Variants in IKBKB-DT observed in about 807,000 individuals in gnomAD.
IKBKB-DT encodes the protein IKBKB antisense RNA.
chr8:42,262,968 T>C (rs1177926754), intron 3 of IKBKB-DT, among the ~76,000 whole-genome samples: 1 of 151,476 alleles, frequency 6.6e-6, no homozygotes, highest in Non-Finnish European at 1.5e-5. Flanking sequence ...CTCAAACTCC[T>C]GGGCTCAAGT....
chr8:42,258,580 T>G (rs113095394), intron 3 of IKBKB-DT, among the ~76,000 whole-genome samples: 1 of 151,998 alleles, frequency 6.6e-6, no homozygotes, highest in Non-Finnish European at 1.5e-5. Flanking sequence ...GCCATTCTCC[T>G]GCCTCAGCCT....
In IKBKB-DT at chr8:42,269,661, G is replaced by A. The variant is rs1807492102; in HGVS notation, n.603+990C>T. Among the ~76,000 whole-genome samples the A allele has an allele frequency of 3.3e-5, 5 of 151,974 alleles. No homozygotes were observed. The South Asian group carries it at 1.0e-3, about 32-fold the overall frequency. On this transcript the variant is annotated intron_variant and non_coding_transcript_variant, in intron 1 of 3. Transcript: ENST00000518213. ...GAGAGAGAGAAAGAAAAAGAGAAAG[G>A]AGAGGGAAGAGGGGAGAGGGGAGAA...
intron 1 of IKBKB-DT, among the ~76,000 whole-genome samples, chr8:42,266,714 G>A (rs111822932): frequency 0.032 from 4,802 of 152,188 alleles, 104 homozygotes; most frequent in Non-Finnish European, 0.042. Context: ...AACAGGTTTC[G>A]GTAAAGAAGC....
chr8:42,246,491 G>A (rs986921511), intron 3 of IKBKB-DT, among the ~76,000 whole-genome samples: 6 of 152,178 alleles, frequency 3.9e-5, no homozygotes, highest in African/African-American at 1.2e-4. Flanking sequence ...ATATCAAAAT[G>A]GGAAAGATAT....
chr8:42,239,780 G>C (rs1436854056), intron 3 of IKBKB-DT, among the ~76,000 whole-genome samples: 1 of 150,618 alleles, frequency 6.6e-6, no homozygotes, highest in Non-Finnish European at 1.5e-5. Context: ...CAAATAGCTG[G>C]GAGTACAGGC....
At position 42,234,878 on chromosome 8, in the gene IKBKB-DT, C is replaced by T. The variant is rs186025924; in HGVS notation, n.1530-1019G>A. Among the ~76,000 whole-genome samples, 3 of 152,342 alleles carry T rather than the reference C, an allele frequency of 2.0e-5. No individual in the cohort carries two copies. In the East Asian group the frequency reaches 5.8e-4, roughly 29 times the overall value. ...CTCCTGACCTCAGGTGATCTGCCCG[C>T]CTTGGCCTCCCAAAGTGCTGGGATT... On this transcript the variant is annotated intron_variant and non_coding_transcript_variant, in intron 3 of 3. Transcript: ENST00000518213.
At chr8:42,239,254 G>C (rs1395091382) in intron 3 of IKBKB-DT, among the ~76,000 whole-genome samples, 1 of 151,908 alleles carries the variant, frequency 6.6e-6, no homozygotes, top group Non-Finnish European at 1.5e-5. Context: ...ACAGCTACGG[G>C]GCCTCTCCTG....
At chr8:42,260,926 C>T (rs996296658) in intron 3 of IKBKB-DT, among the ~76,000 whole-genome samples, 2 of 152,264 alleles carry the variant, frequency 1.3e-5, no homozygotes, top group East Asian at 1.9e-4. Flanking sequence ...AGATACAGCC[C>T]TTTCCATAGA....
intron 3 of IKBKB-DT, among the ~76,000 whole-genome samples, chr8:42,247,397 T>C (rs1474471437): frequency 6.6e-6 from 1 of 152,216 alleles, no homozygotes; most frequent in Non-Finnish European, 1.5e-5. Context: ...CTGTACCTCA[T>C]TGTATCTAGG....
chr8:42,249,191 G>A (rs554874835), intron 3 of IKBKB-DT: 1 of 151,870 alleles, frequency 6.6e-6, no homozygotes, highest in African/African-American at 2.4e-5. Context: ...CAATACAGGG[G>A]ACCCCATCTC....
chr8:42,264,865 ATT>A (rs199943358), intron 2 of IKBKB-DT, among the ~76,000 whole-genome samples: 5 of 135,446 alleles, frequency 3.7e-5, no homozygotes, highest in Admixed American at 7.5e-5. Flanking sequence ...GGCCTTAAAC[ATT>A]TTTTTTTTTT....
intron 3 of IKBKB-DT, among the ~76,000 whole-genome samples, chr8:42,249,608 C>G (rs1807105957): frequency 6.6e-6 from 1 of 151,898 alleles, no homozygotes; most frequent in African/African-American, 2.4e-5. Flanking sequence ...TCAAAAAGGC[C>G]CTGGAGAGAA....
rs541667980 is a variant in IKBKB-DT, at chr8:42,235,566, C to T, written n.1530-1707G>A. ...ATTTCTAACAACCAGATGGCCCCACCCAGGAACTGACACAGCATAAGAGGA... is the reference window on the plus strand; with the variant it reads ...ATTTCTAACAACCAGATGGCCCCACTCAGGAACTGACACAGCATAAGAGGA... On this transcript the variant is annotated intron_variant and non_coding_transcript_variant, in intron 3 of 3. Transcript: ENST00000518213. 9.2e-5 allele frequency among the ~76,000 whole-genome samples: 14 copies of T among 152,154 alleles called. No individual in the cohort carries two copies. The South Asian group carries it at 2.9e-3, about 32-fold the overall frequency.
chr8:42,268,830 G>A (rs1807418010), intron 1 of IKBKB-DT, among the ~76,000 whole-genome samples: 1 of 152,124 alleles, frequency 6.6e-6, no homozygotes, highest in Non-Finnish European at 1.5e-5. Flanking sequence ...GCCTCCCAAA[G>A]TGCTGGGATT....
intron 1 of IKBKB-DT, chr8:42,266,447 T>G (rs543737585): frequency 1.3e-5 from 2 of 152,380 alleles, no homozygotes; most frequent in African/African-American, 4.8e-5. Flanking sequence ...CATAAAAGAC[T>G]GAGTAAGAAG....
intron 3 of IKBKB-DT, among the ~76,000 whole-genome samples, chr8:42,258,892 A>T (rs937653941): frequency 6.6e-6 from 1 of 152,200 alleles, no homozygotes; most frequent in African/African-American, 2.4e-5. Context: ...ATCATTAAGA[A>T]ATTTCTAGTT....
chr8:42,269,643 A>G (rs1236981508), intron 1 of IKBKB-DT, among the ~76,000 whole-genome samples: 1 of 151,268 alleles, frequency 6.6e-6, no homozygotes, highest in African/African-American at 2.4e-5. Flanking sequence ...AGAGAGAGAG[A>G]GAAAGAAAAA....
chr8:42,262,429 T>TATTTA lies in IKBKB-DT; in HGVS notation n.1529+895_1529+899dup, dbSNP rs1344874747. On this transcript the variant is annotated intron_variant and non_coding_transcript_variant, in intron 3 of 3. Coordinates refer to ENST00000518213, the Ensembl canonical transcript of IKBKB-DT. ...AGGAGAGCTAACTACCACATTCTTT[T>TATTTA]ATTTATTTATTTATTTATTTATTTA... Among the ~76,000 whole-genome samples the TATTTA allele has an allele frequency of 2.0e-5, 3 of 150,816 alleles. No individual in the cohort carries two copies. The East Asian group carries it at 5.8e-4, about 29-fold the overall frequency.
chr8:42,237,494 G>T (rs1806940108), intron 3 of IKBKB-DT, among the ~76,000 whole-genome samples: 1 of 152,164 alleles, frequency 6.6e-6, no homozygotes, highest in Non-Finnish European at 1.5e-5. Context: ...CGTAATGCCT[G>T]GGAATTCAGT....
Sources: gnomAD v4.1 joint callset for allele counts (sites outside exome capture counted in the v4.1 genomes callset) on GRCh38, gnomAD v4.1.1 for gene constraint, MANE v1.5 for transcripts, NCBI Gene and HGNC (gene_info 2026-07-23, HGNC 2026-07-21) for gene names.